Variants in KCNJ16 observed in about 807,000 individuals in gnomAD.
KCNJ16 encodes inward rectifier potassium channel 16.
KCNJ16 carries 15 observed loss-of-function variants against 18.5 expected under a neutral mutation model. The ratio of observed to expected loss-of-function variants is 0.81; its 90% CI spans 0.54 to 1.25. The LOEUF is 1.25. Ranked by LOEUF, KCNJ16 falls within the 50% of genes most tolerant of loss-of-function variation. The probability of loss-of-function intolerance (pLI) is 0.00; values close to 1 mark genes in which losing one functional copy is unlikely to be tolerated. For synonymous variants in KCNJ16, 174 were observed against 186.5 expected (o/e 0.93, Z 0.55); for missense variants, 523 against 525.7 (o/e 0.99, Z 0.05).
At chr17:70,128,456 G>C (rs887561179) in intron 2 of KCNJ16, among the ~76,000 whole-genome samples, 26 of 152,158 alleles carry the variant, frequency 1.7e-4, no homozygotes, top group Non-Finnish European at 2.9e-5. Context: ...AAATCAGGGA[G>C]TCTCTCGCTG....
At chr17:70,131,216 AAG>A (rs2074047402) in intron 3 of KCNJ16, 1 of 764,828 alleles carries the variant, frequency 1.3e-6, no homozygotes, top group African/African-American at 1.8e-5. Context: ...AAAAGAAAGA[AAG>A]AAAAGAAAAA....
intron 1 of KCNJ16, among the ~76,000 whole-genome samples, chr17:70,100,073 A>G (rs1253844552): frequency 6.6e-6 from 1 of 152,188 alleles, no homozygotes. Context: ...TCCTATGGTA[A>G]CCAGGCAGTT....
chr17:70,109,876 T>A (rs2073106773), intron 2 of KCNJ16, among the ~76,000 whole-genome samples: 1 of 152,116 alleles, frequency 6.6e-6, no homozygotes, highest in Non-Finnish European at 1.5e-5. Context: ...AGCCCCACAA[T>A]CTGCTAGCAT....
At chr17:70,130,057 T>A (rs1485039755) in intron 2 of KCNJ16, among the ~76,000 whole-genome samples, 2 of 152,124 alleles carry the variant, frequency 1.3e-5, no homozygotes, top group Non-Finnish European at 2.9e-5. Flanking sequence ...AGGAACTAGG[T>A]TGGACACATT....
At chr17:70,112,361 ATTTT>A (rs929677629) in intron 2 of KCNJ16, among the ~76,000 whole-genome samples, 10 of 145,216 alleles carry the variant, frequency 6.9e-5, no homozygotes, top group Admixed American at 5.5e-4. Flanking sequence ...CTGGTTTCTA[ATTTT>A]TTTTTTTTTT....
intron 1 of KCNJ16, among the ~76,000 whole-genome samples, chr17:70,091,025 TA>T (rs536363536): frequency 5.3e-4 from 81 of 152,254 alleles, no homozygotes; most frequent in African/African-American, 1.9e-3. Flanking sequence ...CTTCCCACTT[TA>T]CAAAAATGCC....
In KCNJ16 at chr17:70,118,209, C is replaced by G. The variant is rs879517059; in HGVS notation, c.-190-12670C>G. On this transcript the variant is annotated intron_variant, in intron 2 of 3. Transcript: ENST00000392671. ...TGATTTAAACCTGTTTTAAAGAAAA[C>G]AATAACACAGGGACACAGAGAGGGG... Among the ~76,000 whole-genome samples, 43 of 139,010 alleles carry G rather than the reference C, an allele frequency of 3.1e-4. 1 individual carries two copies. Among genetic ancestry groups the G allele is most frequent in the Non-Finnish European group, 1.7e-4 (11 of 65,194 alleles). The allele number at this position is 139,010 out of a possible 152,430, so 91.2% of individuals were successfully genotyped here. A position where few individuals can be genotyped will look rare whatever the true frequency, so the allele number is the denominator to read the frequency against.
rs546811672 is a variant in KCNJ16, at chr17:70,119,449, C to T, written c.-190-11430C>T. ...GTTCTCTGTGGAGGCTCCACCCCTG[C>T]AGCAGGCTTCTGTCTGGGCACCCAA... On this transcript the variant is annotated intron_variant, in intron 2 of 3. Transcript: ENST00000392671. Among the ~76,000 whole-genome samples, 8 of 152,348 alleles carry T rather than the reference C, an allele frequency of 5.3e-5. No homozygotes were observed. In the South Asian group the frequency reaches 1.7e-3, roughly 32 times the overall value.
chr17:70,092,444 T>G (rs1406539241), intron 1 of KCNJ16, among the ~76,000 whole-genome samples: 5 of 152,068 alleles, frequency 3.3e-5, no homozygotes, highest in African/African-American at 9.7e-5. Context: ...CTGAAATATG[T>G]ACTAGTCCAT....
At chr17:70,125,664 CT>C (rs2073828436) in intron 2 of KCNJ16, among the ~76,000 whole-genome samples, 1 of 152,178 alleles carries the variant, frequency 6.6e-6, no homozygotes, top group Admixed American at 6.5e-5. Context: ...GGTGCCGTGG[CT>C]CACGCCTGTA....
Position 70,133,197 on chromosome 17 carries a change from A to G in KCNJ16, c.1110A>G (p.Arg370=). 6.2e-7 allele frequency: 1 copy of G among 1,614,228 alleles called. No homozygotes were observed. The highest frequency in any genetic ancestry group is 2.2e-5 in the East Asian group (1 of 44,882). ...CCTGCACGTCGGACACCAAGGCGAG[A>G]CGAAGGTCATTTAGTGCAGTTGCCA... ...RESCTSDTKA[R]RRSFSAVAIV... Residue 370 remains arginine, a synonymous_variant, in exon 4 of 4, where the codon AGA becomes AGG. Transcript: ENST00000392671.
chr17:70,096,881 T>C (rs1205474881), intron 1 of KCNJ16: 5 of 398,174 alleles, frequency 1.3e-5, no homozygotes, highest in South Asian at 1.3e-4. Flanking sequence ...GTTTAGAGTG[T>C]AGACCAACCT....
intron 1 of KCNJ16, among the ~76,000 whole-genome samples, chr17:70,091,978 G>A (rs1309421382): frequency 1.3e-5 from 2 of 152,068 alleles, no homozygotes; most frequent in South Asian, 2.1e-4. Flanking sequence ...TGTAAGCTAA[G>A]CCTCATTCTT....
At chr17:70,106,315 T>C (rs2072923893) in intron 2 of KCNJ16, among the ~76,000 whole-genome samples, 1 of 152,208 alleles carries the variant, frequency 6.6e-6, no homozygotes. Context: ...TCCCCCAAAT[T>C]ACTAAGCTTC....
intron 2 of KCNJ16, among the ~76,000 whole-genome samples, chr17:70,113,432 C>G (rs1250380803): frequency 6.6e-6 from 1 of 152,182 alleles, no homozygotes; most frequent in African/African-American, 2.4e-5. Flanking sequence ...ATAGTCTTCA[C>G]AATACTTCAG....
rs142099469 is a variant in KCNJ16 at position 70,109,081 on chromosome 17, C to G, written c.-191+8315C>G. 3.7e-3 allele frequency among the ~76,000 whole-genome samples: 565 copies of G among 152,166 alleles called. 2 individuals are homozygous for G. Among genetic ancestry groups the G allele is most frequent in the African/African-American group, 0.013 (537 of 41,532 alleles). On this transcript the variant is annotated intron_variant, in intron 2 of 3. Transcript: ENST00000392671. ...TCCAGTCCTAGTGACTGAGTGTTGT[C>G]TTTTCCTGAGTTCAGGTCCAAATAG... is the stretch of plus-strand genomic sequence containing the variant.
At chr17:70,111,048 C>G (rs2073163821) in intron 2 of KCNJ16, among the ~76,000 whole-genome samples, 1 of 152,138 alleles carries the variant, frequency 6.6e-6, no homozygotes, top group African/African-American at 2.4e-5. Flanking sequence ...TAGTTCACTA[C>G]AACCCTGGTG....
At chr17:70,126,423 G>A (rs2073858260) in intron 2 of KCNJ16, among the ~76,000 whole-genome samples, 1 of 152,154 alleles carries the variant, frequency 6.6e-6, no homozygotes, top group South Asian at 2.1e-4. Context: ...GAATGCCTTT[G>A]ACAATGGGGT....
intron 2 of KCNJ16, among the ~76,000 whole-genome samples, chr17:70,113,592 A>G (rs550811963): frequency 6.6e-6 from 1 of 152,328 alleles, no homozygotes; most frequent in African/African-American, 2.4e-5. Flanking sequence ...GTTTCAGGGA[A>G]AAGTGCTCCC....
Sources: allele counts gnomAD v4.1 joint callset (sites outside exome capture counted in the v4.1 genomes callset), GRCh38; gene constraint gnomAD v4.1.1; transcripts MANE v1.5; gene names NCBI Gene and HGNC (gene_info 2026-07-23, HGNC 2026-07-21).